PLEKHG5: variants seen among roughly 807,000 people sequenced by gnomAD.
PLEKHG5 encodes the protein pleckstrin homology and RhoGEF domain containing G5, also known as pleckstrin homology domain-containing family G member 5.
A neutral mutation model predicts 103.8 loss-of-function variants in PLEKHG5; 52 were observed. That is an observed-to-expected ratio of 0.50 (90% CI 0.40 to 0.63). The LOEUF (loss-of-function observed/expected upper bound fraction) is 0.63. PLEKHG5 is among the 30% of genes least tolerant of loss of function. The pLI is 0.00. For missense variants in PLEKHG5, 1,205 were observed against 1,347.6 expected (o/e 0.89, Z 1.66); for synonymous variants, 592 against 575.5 (o/e 1.03, Z -0.41).
At chr1:6,519,423 A>C in intron 1 of PLEKHG5, 1 of 1,592,318 alleles carries the variant, frequency 6.3e-7, no homozygotes, top group African/African-American at 1.3e-5. Flanking sequence ...TTCTAGACAA[A>C]AGAGATAGAA....
At chr1:6,468,790 G>A (rs995024861) in intron 19 of PLEKHG5, among the ~76,000 whole-genome samples, 4 of 152,190 alleles carry the variant, frequency 2.6e-5, no homozygotes, top group Non-Finnish European at 5.9e-5. Flanking sequence ...ACTCTTCCCT[G>A]CCAAGGCTGG....
At chr1:6,485,401 TG>T in intron 1 of PLEKHG5, 1 of 1,365,638 alleles carries the variant, frequency 7.3e-7, no homozygotes, top group Non-Finnish European at 9.4e-7. Context: ...GGGCCCGGCC[TG>T]GAGGCTGCTA....
rs1221211188 is a variant in PLEKHG5 at position 6,471,822 on chromosome 1, G to A, written c.1081-14C>T. The A allele has an allele frequency of 2.5e-6, 4 of 1,602,356 alleles. No individual in the cohort carries two copies. The highest frequency in any genetic ancestry group is 2.3e-5 in the South Asian group (2 of 88,814). On this transcript the variant is annotated splice_polypyrimidine_tract_variant and intron_variant, in intron 10 of 20. Transcript: ENST00000377728. ...GCACAGGAACAGCTGTGGGATCAGG[G>A]GATGGTGTGACTGGGGTCGGGAGGC... is the stretch of plus-strand genomic sequence containing the variant.
chr1:6,470,694 GCC>G, intron 14 of PLEKHG5, 39 bp downstream of exon 14: 1 of 1,552,342 alleles, frequency 6.4e-7, no homozygotes, highest in East Asian at 2.4e-5. Flanking sequence ...GGAGCAGAGA[GCC>G]GCGCAGGGGG....
intron 1 of PLEKHG5, among the ~76,000 whole-genome samples, chr1:6,488,174 A>C (rs1022139018): frequency 6.6e-6 from 1 of 152,154 alleles, no homozygotes; most frequent in Non-Finnish European, 1.5e-5. Flanking sequence ...TGAGCATTCC[A>C]TGTGCCACCC....
intron 1 of PLEKHG5, among the ~76,000 whole-genome samples, chr1:6,479,217 G>C (rs565876859): frequency 6.6e-6 from 1 of 151,020 alleles, no homozygotes; most frequent in Admixed American, 6.6e-5. Context: ...CGTTCTTACA[G>C]ATATACTTCC....
intron 13 of PLEKHG5, 52 bp downstream of exon 13, chr1:6,470,938 C>G (rs901371246): frequency 3.2e-6 from 5 of 1,550,374 alleles, no homozygotes; most frequent in Non-Finnish European, 4.4e-6. Flanking sequence ...CACCCGGCCC[C>G]GTCCAGGGTC....
intron 1 of PLEKHG5, among the ~76,000 whole-genome samples, chr1:6,512,107 A>G (rs1034127204): frequency 5.3e-5 from 8 of 152,152 alleles, no homozygotes; most frequent in African/African-American, 1.9e-4. Flanking sequence ...TTGGATCACC[A>G]TCACCCCGTT....
intron 2 of PLEKHG5, among the ~76,000 whole-genome samples, chr1:6,476,505 G>T (rs1230275359): frequency 6.6e-6 from 1 of 152,074 alleles, no homozygotes. Flanking sequence ...AGTCATTGCT[G>T]TCTATCCCCA....
chr1:6,494,438 T>A (rs553706490), upstream of PLEKHG5, among the ~76,000 whole-genome samples: 13 of 151,926 alleles, frequency 8.6e-5, no homozygotes, highest in Middle Eastern at 3.4e-3. Context: ...GCCTTTTTTT[T>A]AATTTTAGTA....
Position 6,468,500 on chromosome 1 carries a change from G to A in PLEKHG5, c.2336C>T (p.Pro779Leu). 6.2e-7 allele frequency: 1 copy of A among 1,613,042 alleles called. No homozygotes were observed. The highest frequency in any genetic ancestry group is 8.5e-7 in the Non-Finnish European group (1 of 1,179,954). Reference protein sequence around the residue: ...TLSSPEFDSGPFSSQSDETSL... With the variant: ...TLSSPEFDSGLFSSQSDETSL... ...GGTCTCATCAGACTGGGAGCTGAAA[G>A]GACCGCTGTCGAACTCGGGGGAGGA... Residue 779 changes from proline (P) to leucine (L), a missense_variant, in exon 20 of 21, where the codon CCT (proline) becomes CTT (leucine). Physicochemically the swap from Pro to Leu is moderately conservative, Grantham distance 98. Transcript: ENST00000377728.
chr1:6,475,405 G>T (rs1359393414), intron 4 of PLEKHG5, 57 bp downstream of exon 4: 1 of 1,488,102 alleles, frequency 6.7e-7, no homozygotes, highest in Non-Finnish European at 9.4e-7. Flanking sequence ...GCCCAGGCTC[G>T]GGGAAGGGCG....
At chr1:6,514,411 G>A (rs1347664447) in intron 1 of PLEKHG5, among the ~76,000 whole-genome samples, 2 of 151,766 alleles carry the variant, frequency 1.3e-5, no homozygotes. Flanking sequence ...TTGTGATTGT[G>A]CCACTGCACT....
upstream of PLEKHG5, chr1:6,496,864 T>C: frequency 1.2e-6 from 1 of 847,578 alleles, no homozygotes; most frequent in Non-Finnish European, 1.7e-6. Flanking sequence ...GGGGGAGCGC[T>C]CAGTGACCTT....
intron 1 of PLEKHG5, among the ~76,000 whole-genome samples, chr1:6,508,672 G>A (rs2148635537): frequency 6.6e-6 from 1 of 152,352 alleles, no homozygotes; most frequent in South Asian, 2.1e-4. Context: ...GTTGCTCTTG[G>A]TGCCTTCAGG....
At chr1:6,482,142 G>C (rs1212557414) in intron 1 of PLEKHG5, among the ~76,000 whole-genome samples, 3 of 151,936 alleles carry the variant, frequency 2.0e-5, no homozygotes, top group African/African-American at 7.3e-5. Context: ...CTCCCCTCCT[G>C]CTAGCTTCCC....
At chr1:6,507,976 C>T (rs1170415347) in intron 1 of PLEKHG5, among the ~76,000 whole-genome samples, 1 of 152,196 alleles carries the variant, frequency 6.6e-6, no homozygotes, top group Non-Finnish European at 1.5e-5. Context: ...TCAGACCCAC[C>T]ATAGCAGAGG....
intron 1 of PLEKHG5, among the ~76,000 whole-genome samples, chr1:6,514,159 C>CA (rs1332230425): frequency 2.0e-5 from 3 of 151,980 alleles, no homozygotes; most frequent in South Asian, 2.1e-4. Context: ...CTTGTCTCTA[C>CA]AAAAAAAATT....
Position 6,486,340 on chromosome 1 carries a change from C to A in PLEKHG5, c.-88+5297G>T, listed in dbSNP as rs971324514. On this transcript the variant is annotated intron_variant, in intron 1 of 20. Transcript: ENST00000377728. This position sits in a 1 kb window ranked among gnomAD's most constrained non-coding sequence, Gnocchi z 5.3. ...CCAGCTTTGAGCCCCAGTCACACAC[C>A]CACCCCAACCTCACAACCAGCTCTC... Among the ~76,000 whole-genome samples, 16 of 152,004 alleles carry A rather than the reference C, an allele frequency of 1.1e-4. No individual in the cohort carries two copies. Among genetic ancestry groups the A allele is most frequent in the Non-Finnish European group, 1.8e-4 (12 of 67,982 alleles).
Sources: gnomAD v4.1 joint callset for allele counts (sites outside exome capture counted in the v4.1 genomes callset) on GRCh38, gnomAD v4.1.1 for gene constraint, Gnocchi (gnomAD v3.1) non-coding constraint, MANE v1.5 for transcripts, NCBI Gene and HGNC (gene_info 2026-07-23, HGNC 2026-07-21) for gene names.